Variants in ADAM12 observed in about 807,000 individuals in gnomAD.
ADAM12 encodes ADAM metallopeptidase domain 12.
Under a neutral mutation model 106.4 loss-of-function variants are expected in ADAM12, and 70 were observed. That is an observed-to-expected ratio of 0.66 (90% CI 0.54 to 0.80). The LOEUF is 0.80. Among genes scored for constraint, ADAM12 ranks in the 30% least tolerant of loss-of-function variants. The probability of loss-of-function intolerance (pLI) is 0.00; values close to 1 mark genes in which losing one functional copy is unlikely to be tolerated. For missense variants in ADAM12, 1,010 were observed against 1,171.9 expected, an observed-to-expected ratio of 0.86 and a Z score of 2.02; for synonymous variants, 420 against 433.5, an observed-to-expected ratio of 0.97 and a Z score of 0.39.
intron 3 of ADAM12, among the ~76,000 whole-genome samples, chr10:126,172,294 T>G (rs182030877): frequency 1.3e-5 from 2 of 152,200 alleles, no homozygotes; most frequent in Non-Finnish European, 2.9e-5. Context: ...CAGTTCTCAA[T>G]GGGTCAGAGC....
At chr10:126,322,587 T>C (rs1854140344) in intron 2 of ADAM12, among the ~76,000 whole-genome samples, 1 of 152,154 alleles carries the variant, frequency 6.6e-6, no homozygotes, top group South Asian at 2.1e-4. Context: ...GGGGCAGTGA[T>C]AGGAGGACCC....
At chr10:126,036,407 C>T in intron 20 of ADAM12, 82 bp from the exon 21 acceptor site, 2 of 1,435,582 alleles carry the variant, frequency 1.4e-6, no homozygotes, top group Non-Finnish European at 1.9e-6. Flanking sequence ...AGTGCTAACT[C>T]ATCTGTTATA....
intron 3 of ADAM12, among the ~76,000 whole-genome samples, chr10:126,229,133 A>T (rs1370572623): frequency 6.6e-6 from 1 of 152,228 alleles, no homozygotes; most frequent in Admixed American, 6.5e-5. Flanking sequence ...ACATGTGCAG[A>T]TGCCCTCAGA....
chr10:126,368,185 C>T (rs372374423), intron 1 of ADAM12, among the ~76,000 whole-genome samples: 1 of 151,824 alleles, frequency 6.6e-6, no homozygotes, highest in African/African-American at 2.4e-5. Context: ...AATGAATGGG[C>T]ATACTAATTT....
At chr10:126,223,754 T>C (rs74158394) in intron 3 of ADAM12, among the ~76,000 whole-genome samples, 2,385 of 152,240 alleles carry the variant, frequency 0.016, 64 homozygotes, top group African/African-American at 0.055. Flanking sequence ...TCCACGGTCT[T>C]TGGTCACAAT....
chr10:126,064,836 CGT>C lies in ADAM12; in HGVS notation c.1577_1578del (p.His526ArgfsTer13). ...CCCCAGAGCGTGACACACTGCTGCT[CGT>C]GAGTCTGGCAGATGCCATTGTAGCA... is the stretch of plus-strand genomic sequence containing the variant. Reference protein sequence around the residue: ...GYCYNGICQTHEQQCVTLWGP... With the variant: ...GYCYNGICQTXEQQCVTLWGP... On this transcript the variant is annotated frameshift_variant, in exon 14 of 23. Coordinates refer to ENST00000448723, the MANE Select transcript of ADAM12 (RefSeq NM_001288973.2). LOFTEE classifies it high-confidence loss of function. The surrounding 1 kb of genome is among the most constrained non-coding windows in gnomAD (Gnocchi z 4.4). 5 of 1,610,508 alleles carry C rather than the reference CGT, an allele frequency of 3.1e-6. No individual in the cohort carries two copies. Among genetic ancestry groups the C allele is most frequent in the Non-Finnish European group, 4.2e-6 (5 of 1,178,532 alleles).
At chr10:126,038,836 A>G (rs761068205) in intron 19 of ADAM12, among the ~76,000 whole-genome samples, 13 of 152,146 alleles carry the variant, frequency 8.5e-5, no homozygotes, top group Non-Finnish European at 1.6e-4. Context: ...AGAAATTTAA[A>G]ACAAGAAACC....
At chr10:126,121,298 A>T (rs1459786144) in intron 5 of ADAM12, among the ~76,000 whole-genome samples, 1 of 113,560 alleles carries the variant, frequency 8.8e-6, no homozygotes, top group Non-Finnish European at 1.6e-5. Flanking sequence ...TATATTATAC[A>T]TGTAATATAT....
At chr10:126,227,698 G>T (rs932177440) in intron 3 of ADAM12, among the ~76,000 whole-genome samples, 6 of 152,196 alleles carry the variant, frequency 3.9e-5, no homozygotes, top group Non-Finnish European at 5.9e-5. Context: ...TCAGCAGAAA[G>T]TGACTGCTTT....
chr10:126,331,063 AT>A (rs1454151802), intron 1 of ADAM12, among the ~76,000 whole-genome samples: 3 of 152,222 alleles, frequency 2.0e-5, no homozygotes, highest in Non-Finnish European at 4.4e-5. Flanking sequence ...TTTTAAAAAA[AT>A]CAAGTCATTC....
intron 3 of ADAM12, among the ~76,000 whole-genome samples, chr10:126,250,999 A>C (rs1292570364): frequency 6.6e-6 from 1 of 152,240 alleles, no homozygotes; most frequent in Non-Finnish European, 1.5e-5. Context: ...AGAACTTGAC[A>C]CACATGATGT....
At chr10:126,340,454 T>G (rs1854884194) in intron 1 of ADAM12, among the ~76,000 whole-genome samples, 1 of 152,160 alleles carries the variant, frequency 6.6e-6, no homozygotes, top group African/African-American at 2.4e-5. Flanking sequence ...GGCACAGAAG[T>G]TAAGTAACTT....
chr10:126,040,580 T>G lies in ADAM12; in HGVS notation c.2105-1151A>C, dbSNP rs1444315777. Among the ~76,000 whole-genome samples the G allele has an allele frequency of 3.3e-5, 5 of 152,182 alleles. No individual in the cohort carries two copies. In the South Asian group the frequency reaches 6.2e-4, roughly 19 times the overall value. ...CAGCCAACAGATGACAGTCTTGACTTACTTGTTGGTGTTACTGGAAAAGCA... is the reference window on the plus strand; with the variant it reads ...CAGCCAACAGATGACAGTCTTGACTGACTTGTTGGTGTTACTGGAAAAGCA... On this transcript the variant is annotated intron_variant, in intron 18 of 22. Transcript: ENST00000448723.
intron 3 of ADAM12, among the ~76,000 whole-genome samples, chr10:126,224,874 G>A (rs185552342): frequency 1.3e-5 from 2 of 152,374 alleles, no homozygotes; most frequent in Admixed American, 6.5e-5. Flanking sequence ...TGCTGCAGCA[G>A]GAGACGAGGG....
chr10:126,096,770 G>T (rs1955566232), intron 10 of ADAM12, among the ~76,000 whole-genome samples: 1 of 152,230 alleles, frequency 6.6e-6, no homozygotes, highest in Non-Finnish European at 1.5e-5. Context: ...TCTGTTATAT[G>T]TGGAACGTGT....
chr10:126,282,684 C>G (rs1249686716), intron 2 of ADAM12, among the ~76,000 whole-genome samples: 1 of 152,104 alleles, frequency 6.6e-6, no homozygotes, highest in Non-Finnish European at 1.5e-5. Context: ...TATTCTATTG[C>G]ACAAACAATG....
intron 3 of ADAM12, among the ~76,000 whole-genome samples, chr10:126,252,802 C>T (rs1958813397): frequency 6.6e-6 from 1 of 152,020 alleles, no homozygotes; most frequent in Non-Finnish European, 1.5e-5. Context: ...AAGTTGACAC[C>T]TAAATTAACC....
intron 3 of ADAM12, among the ~76,000 whole-genome samples, chr10:126,231,126 T>C (rs1306005330): frequency 6.6e-6 from 1 of 152,218 alleles, no homozygotes; most frequent in East Asian, 1.9e-4. Flanking sequence ...TGCCATATAC[T>C]GTAAATCTAT....
At chr10:126,297,095 A>G (rs1960415460) in intron 2 of ADAM12, among the ~76,000 whole-genome samples, 1 of 152,046 alleles carries the variant, frequency 6.6e-6, no homozygotes, top group South Asian at 2.1e-4. Context: ...CAGTTTTCCT[A>G]CTCCTTAAAA....
Sources: allele counts gnomAD v4.1 joint callset (sites outside exome capture counted in the v4.1 genomes callset), GRCh38; gene constraint gnomAD v4.1.1; non-coding constraint Gnocchi (gnomAD v3.1); transcripts MANE v1.5; gene names NCBI Gene and HGNC (gene_info 2026-07-23, HGNC 2026-07-21).